The following PARD3 variants were observed in gnomAD, a reference collection of about 807,000 sequenced individuals.
PARD3 encodes partitioning defective 3 homolog.
PARD3 carries 75 observed loss-of-function variants against 155.4 expected under a neutral mutation model. The ratio of observed to expected loss-of-function variants is 0.48; its 90% CI spans 0.40 to 0.58. The LOEUF is 0.58. Ranked by LOEUF, PARD3 falls within the 20% of genes least tolerant of loss-of-function variation. The pLI, the probability that PARD3 is intolerant of heterozygous loss-of-function variation, is 0.00. For missense variants in PARD3, 1,642 were observed against 1,721.7 expected (o/e 0.95, Z 0.82); for synonymous variants, 576 against 610.5 (o/e 0.94, Z 0.83).
intron 3 of PARD3, among the ~76,000 whole-genome samples, chr10:34,510,546 TA>T (rs2081343894): frequency 6.6e-6 from 1 of 152,170 alleles, no homozygotes. Flanking sequence ...TGCAAAGAAA[TA>T]AGATGACCAA....
intron 22 of PARD3, among the ~76,000 whole-genome samples, chr10:34,221,387 C>CTTT (rs1952279445): frequency 1.9e-5 from 2 of 103,054 alleles, no homozygotes; most frequent in African/African-American, 3.7e-5. Context: ...CCAGGACTTG[C>CTTT]CTTTTTTTTT....
chr10:34,149,733 G>A (rs972944308), intron 22 of PARD3, among the ~76,000 whole-genome samples: 1 of 152,080 alleles, frequency 6.6e-6, no homozygotes, highest in African/African-American at 2.4e-5. Context: ...TCTATTACAA[G>A]TATGTATATT....
chr10:34,734,320 C>A (rs61843475), intron 1 of PARD3, among the ~76,000 whole-genome samples: 1 of 127,222 alleles, frequency 7.9e-6, no homozygotes, highest in East Asian at 2.3e-4. Flanking sequence ...ATATATGGGG[C>A]CCTTTTTTTT....
intron 22 of PARD3, among the ~76,000 whole-genome samples, chr10:34,200,987 T>C (rs1004223670): frequency 2.0e-5 from 3 of 152,192 alleles, no homozygotes; most frequent in Non-Finnish European, 2.9e-5. Context: ...CTCCAATGTA[T>C]GTGTGAGTGC....
rs1203369589 is a variant in PARD3, at chr10:34,635,742, A to AC, written c.222+60575dup. On this transcript the variant is annotated intron_variant, in intron 2 of 24. Transcript: ENST00000374788. ...TAGGAAGAGAAAAGAACAAGTGAGC[A>AC]CCTACCGGTATGTCCCAGAACTGAG... Among the ~76,000 whole-genome samples the AC allele has an allele frequency of 2.0e-5, 3 of 152,228 alleles. No individual in the cohort carries two copies. The East Asian group carries it at 5.8e-4, about 29-fold the overall frequency.
At chr10:34,456,656 A>G (rs930811251) in intron 4 of PARD3, among the ~76,000 whole-genome samples, 1 of 152,190 alleles carries the variant, frequency 6.6e-6, no homozygotes, top group African/African-American at 2.4e-5. Flanking sequence ...AAATTTGAAA[A>G]TAATTTTTCC....
intron 1 of PARD3, among the ~76,000 whole-genome samples, chr10:34,713,469 A>C (rs2094475283): frequency 6.6e-6 from 1 of 152,078 alleles, no homozygotes; most frequent in African/African-American, 2.4e-5. Context: ...TGTAGAAAGA[A>C]CAACCAGGCC....
rs78365449 is a variant in PARD3, at chr10:34,373,298, C to A, written c.1669-762G>T. On this transcript the variant is annotated intron_variant, in intron 11 of 24. Transcript: ENST00000374788. ...GCTCACAAGCAATAAATTACATAAC[C>A]AAGAAAAAAAAAAAGTAGGTAGCAG... is the stretch of plus-strand genomic sequence containing the variant. Among the ~76,000 whole-genome samples the A allele has an allele frequency of 1.6e-3, 244 of 149,488 alleles. 1 individual carries two copies. Among genetic ancestry groups the A allele is most frequent in the African/African-American group, 5.6e-3 (229 of 40,752 alleles).
chr10:34,467,660 T>C (rs1052349345), intron 4 of PARD3, among the ~76,000 whole-genome samples: 4 of 152,062 alleles, frequency 2.6e-5, no homozygotes, highest in South Asian at 2.1e-4. Context: ...GGCAGGAGAA[T>C]GCTTGAACCT....
chr10:34,704,837 C>G (rs1425311293), intron 1 of PARD3, among the ~76,000 whole-genome samples: 2 of 152,170 alleles, frequency 1.3e-5, no homozygotes, highest in Non-Finnish European at 1.5e-5. Context: ...ACCAGATTAG[C>G]CACATGATAG....
At chr10:34,454,802 C>T (rs2077247419) in intron 4 of PARD3, among the ~76,000 whole-genome samples, 4 of 152,148 alleles carry the variant, frequency 2.6e-5, no homozygotes, top group Non-Finnish European at 5.9e-5. Context: ...TGTACTGCCA[C>T]AGCATCAGGT....
chr10:34,457,283 T>C (rs1461359049), intron 4 of PARD3, among the ~76,000 whole-genome samples: 1 of 152,130 alleles, frequency 6.6e-6, no homozygotes, highest in East Asian at 1.9e-4. Context: ...ACTGGATCTG[T>C]CCAGAGAGCC....
chr10:34,717,151 TTATC>T (rs1025467870), intron 1 of PARD3, among the ~76,000 whole-genome samples: 1 of 152,102 alleles, frequency 6.6e-6, no homozygotes, highest in African/African-American at 2.4e-5. Context: ...AGTGCAAGCC[TTATC>T]TATCAGTAGC....
intron 2 of PARD3, among the ~76,000 whole-genome samples, chr10:34,680,607 G>GA (rs1413286208): frequency 6.7e-6 from 1 of 148,922 alleles, no homozygotes; most frequent in Non-Finnish European, 1.5e-5. Flanking sequence ...GCGGGAGGGG[G>GA]AAAGATAAAG....
chr10:34,174,667 T>C (rs1261693985), intron 22 of PARD3, among the ~76,000 whole-genome samples: 3 of 152,178 alleles, frequency 2.0e-5, no homozygotes, highest in Non-Finnish European at 4.4e-5. Context: ...AAGATGATAA[T>C]TTTTCAAACA....
At chr10:34,304,116 A>T (rs570821448) in intron 20 of PARD3, among the ~76,000 whole-genome samples, 1 of 152,288 alleles carries the variant, frequency 6.6e-6, no homozygotes, top group South Asian at 2.1e-4. Context: ...CTGCCATCGC[A>T]CCTACACAGA....
In PARD3 at chr10:34,378,018, C is replaced by G; in HGVS notation, c.1488G>C (p.Arg496=). 1 of 1,586,890 alleles carries G rather than the reference C, an allele frequency of 6.3e-7. No homozygotes were observed. Among genetic ancestry groups the G allele is most frequent in the South Asian group, 1.1e-5 (1 of 87,424 alleles). ...APIYVKNILP[R]GAAIQDGRLK... ...GTCGGCCATCCTGAATGGCCGCCCC[C>G]CGGGGGAGAATGTTTTTCACATAGA... The change falls in exon 10 of 25, where the codon CGG becomes CGC. Residue 496 remains arginine, a synonymous_variant. Coordinates refer to ENST00000374788, the MANE Select transcript of PARD3 (RefSeq NM_001184785.2).
In PARD3 at chr10:34,485,926, T is replaced by G. The variant is rs560973467; in HGVS notation, c.404-15663A>C. Among the ~76,000 whole-genome samples, 22 of 148,106 alleles carry G rather than the reference T, an allele frequency of 1.5e-4. No homozygotes were observed. The East Asian group carries it at 2.5e-3, about 17-fold the overall frequency. Reference sequence around the variant, plus strand: ...CTGTTTAAACGTTTTGGGTTTTTTTTTTTTTTTTTTTTTTTGAGACAGGGT... The same window carrying G: ...CTGTTTAAACGTTTTGGGTTTTTTTGTTTTTTTTTTTTTTTGAGACAGGGT... On this transcript the variant is annotated intron_variant, in intron 3 of 24. Coordinates refer to ENST00000374788, the MANE Select transcript of PARD3 (RefSeq NM_001184785.2).
At chr10:34,359,942 TAA>T in intron 13 of PARD3, 127 bp downstream of exon 13, 1 of 681,674 alleles carries the variant, frequency 1.5e-6, no homozygotes, top group Non-Finnish European at 2.5e-6. Flanking sequence ...CCTAGTTGTT[TAA>T]ATGTGAATGT....
Sources: gnomAD v4.1 joint callset for allele counts (sites outside exome capture counted in the v4.1 genomes callset) on GRCh38, gnomAD v4.1.1 for gene constraint, MANE v1.5 for transcripts, NCBI Gene and HGNC (gene_info 2026-07-23, HGNC 2026-07-21) for gene names.